The following COL5A2 variants were observed in gnomAD, a reference collection of about 807,000 sequenced individuals.
COL5A2 encodes the protein collagen alpha-2(V) chain.
A neutral mutation model predicts 208.2 loss-of-function variants in COL5A2; 23 were observed. The ratio of observed to expected loss-of-function variants is 0.11; its 90% CI spans 0.08 to 0.16. COL5A2 has a LOEUF of 0.16. Among genes scored for constraint, COL5A2 ranks in the 10% least tolerant of loss-of-function variants. The probability of loss-of-function intolerance (pLI) is 1.00; values close to 1 mark genes in which losing one functional copy is unlikely to be tolerated. For missense variants in COL5A2, 1,590 were observed against 1,956.4 expected, an observed-to-expected ratio of 0.81 and a Z score of 3.53; for synonymous variants, 625 against 628.5, an observed-to-expected ratio of 0.99 and a Z score of 0.08.
chr2:189,303,469 T>G, the COL5A2 span, among the ~76,000 whole-genome samples: 1 of 152,256 alleles, frequency 6.6e-6, no homozygotes, highest in Middle Eastern at 3.4e-3. Context: ...GTTGGTCCTG[T>G]CAAACCACCT....
chr2:189,229,449 A>T (rs960863495), upstream of COL5A2, among the ~76,000 whole-genome samples: 1 of 151,454 alleles, frequency 6.6e-6, no homozygotes, highest in South Asian at 2.1e-4. Flanking sequence ...CACAAAAAAA[A>T]AACCTATTAG....
chr2:189,338,622 A>C, the COL5A2 span, among the ~76,000 whole-genome samples: 1 of 151,442 alleles, frequency 6.6e-6, no homozygotes, highest in Non-Finnish European at 1.5e-5. Flanking sequence ...TTTTCTGATA[A>C]TAACTATAAA....
chr2:189,399,176 T>C, the COL5A2 span, among the ~76,000 whole-genome samples: 8 of 152,182 alleles, frequency 5.3e-5, no homozygotes, highest in Non-Finnish European at 1.2e-4. Flanking sequence ...AGTACTTCAT[T>C]AGTGGTTCTT....
At position 189,104,286 on chromosome 2, in the gene COL5A2, AG is replaced by A; in HGVS notation, c.323-10del. 6.7e-7 allele frequency: 1 copy of A among 1,492,148 alleles called. No individual in the cohort carries two copies. Among genetic ancestry groups the A allele is most frequent in the South Asian group, 1.1e-5 (1 of 88,602 alleles). The allele number at this position is 1,492,148 out of a possible 1,614,324, so 92.4% of individuals were successfully genotyped here. On this transcript the variant is annotated splice_polypyrimidine_tract_variant and intron_variant, in intron 2 of 53. Coordinates refer to ENST00000374866, the MANE Select transcript of COL5A2 (RefSeq NM_000393.5). ...TACCTTTCTTCCTCTACCTGTAAAA[AG>A]AAAAGAGTAAATGTGTTATTTTATG...
At chr2:189,212,679 C>T (rs917754609) in intron 1 of COL5A2, among the ~76,000 whole-genome samples, 1 of 150,360 alleles carries the variant, frequency 6.7e-6, no homozygotes, top group Non-Finnish European at 1.5e-5. Flanking sequence ...TCCTCCAGCA[C>T]AGGCCCCTAC....
intron 1 of COL5A2, among the ~76,000 whole-genome samples, chr2:189,151,916 G>C (rs540818111): frequency 4.6e-5 from 7 of 152,142 alleles, no homozygotes; most frequent in Admixed American, 4.6e-4. Context: ...GTGTACTGTT[G>C]GGTCTAAGAC....
chr2:189,410,685 T>C, the COL5A2 span, among the ~76,000 whole-genome samples: 8 of 152,176 alleles, frequency 5.3e-5, no homozygotes, highest in East Asian at 3.8e-4. Flanking sequence ...ATATGGACTT[T>C]AGTGATTTGA....
chr2:189,351,297 T>C, the COL5A2 span, among the ~76,000 whole-genome samples: 1 of 152,204 alleles, frequency 6.6e-6, no homozygotes, highest in Non-Finnish European at 1.5e-5. Flanking sequence ...ATCCAAAGAT[T>C]GTACACGTAT....
the COL5A2 span, among the ~76,000 whole-genome samples, chr2:189,334,662 T>A: frequency 6.6e-6 from 1 of 152,060 alleles, no homozygotes; most frequent in Non-Finnish European, 1.5e-5. Context: ...TCTCCCCAAA[T>A]TGATAGATAG....
chr2:189,318,194 T>C, the COL5A2 span, among the ~76,000 whole-genome samples: 1 of 152,216 alleles, frequency 6.6e-6, no homozygotes, highest in South Asian at 2.1e-4. Flanking sequence ...TCAAACTGCA[T>C]TGATCTTTCA....
At chr2:189,405,250 T>A in the COL5A2 span, among the ~76,000 whole-genome samples, 2 of 152,034 alleles carry the variant, frequency 1.3e-5, no homozygotes, top group Admixed American at 6.6e-5. Context: ...CTTTTTTTTT[T>A]AGATAGGGTG....
intron 26 of COL5A2, 46 bp downstream of exon 26, chr2:189,063,934 T>A (rs1686088380): frequency 6.9e-7 from 1 of 1,446,830 alleles, no homozygotes; most frequent in Non-Finnish European, 9.7e-7. Flanking sequence ...GTTGCATGTC[T>A]GTTGAAAAAT....
intron 47 of COL5A2, among the ~76,000 whole-genome samples, chr2:189,044,165 T>A (rs1685616444): frequency 6.6e-6 from 1 of 152,208 alleles, no homozygotes. Flanking sequence ...CCTATTTATC[T>A]GACTTTGGAA....
chr2:189,067,519 G>T (rs1686179978), intron 21 of COL5A2, among the ~76,000 whole-genome samples: 1 of 151,740 alleles, frequency 6.6e-6, no homozygotes, highest in African/African-American at 2.4e-5. Flanking sequence ...ATTTGTTATG[G>T]GTTCATCAAA....
At chr2:189,133,459 A>G in intron 1 of COL5A2, among the ~76,000 whole-genome samples, 1 of 152,110 alleles carries the variant, frequency 6.6e-6, no homozygotes, top group East Asian at 1.9e-4. Context: ...TTCTTGTGGA[A>G]TACATGCCAG....
At chr2:189,412,140 T>A in the COL5A2 span, among the ~76,000 whole-genome samples, 1 of 152,174 alleles carries the variant, frequency 6.6e-6, no homozygotes. Context: ...AAGAACAACG[T>A]GTACTATCAC....
intron 1 of COL5A2, 26 bp downstream of exon 1, chr2:189,179,482 A>G (rs766115009): frequency 3.1e-5 from 50 of 1,606,278 alleles, no homozygotes; most frequent in Non-Finnish European, 4.2e-5. Context: ...AATAAACACT[A>G]CAAGCAAAGC....
intron 1 of COL5A2, among the ~76,000 whole-genome samples, chr2:189,123,203 A>T (rs1234723567): frequency 6.6e-6 from 1 of 152,180 alleles, no homozygotes; most frequent in Non-Finnish European, 1.5e-5. Context: ...ACCTCAAGTG[A>T]TCCACCCACC....
chr2:189,045,823 C>T lies in COL5A2; in HGVS notation c.3286G>A (p.Asp1096Asn), dbSNP rs1308079246. Residue 1096 changes from aspartate to asparagine, a missense_variant, in exon 46 of 54, where the codon GAT (aspartate) becomes AAT (asparagine). Coordinates refer to ENST00000374866, the MANE Select transcript of COL5A2 (RefSeq NM_000393.5). ...ACCGGATCTCCTCTTTGTCCTGCATCTCCTGGAGCACCCACAGGGCCAGGA... is the reference window on the plus strand; with the variant it reads ...ACCGGATCTCCTCTTTGTCCTGCATTTCCTGGAGCACCCACAGGGCCAGGA... ...GTPGPVGAPG[D>N]AGQRGDPGSR... is the part of the protein sequence containing the mutation. The T allele has an allele frequency of 6.2e-6, 10 of 1,614,134 alleles. No individual in the cohort carries two copies. The highest frequency in any genetic ancestry group is 1.1e-5 in the South Asian group (1 of 91,086).
Sources: gnomAD v4.1 joint callset for allele counts (sites outside exome capture counted in the v4.1 genomes callset) on GRCh38, gnomAD v4.1.1 for gene constraint, MANE v1.5 for transcripts, NCBI Gene and HGNC (gene_info 2026-07-23, HGNC 2026-07-21) for gene names.